The following FAM227A variants were observed in gnomAD, a reference collection of about 807,000 sequenced individuals.
The protein encoded by FAM227A is family with sequence similarity 227 member A.
In FAM227A, 80 loss-of-function variants were observed where a neutral mutation model predicts 74.7. The observed-to-expected ratio is 1.07, with a 90% CI of 0.89 to 1.29. FAM227A has a LOEUF of 1.29. Ranked by LOEUF, FAM227A falls within the 50% of genes most tolerant of loss-of-function variation. The pLI, the probability that FAM227A is intolerant of heterozygous loss-of-function variation, is 0.00. For missense variants in FAM227A, 654 were observed against 683.4 expected (o/e 0.96, Z 0.48); for synonymous variants, 237 against 241.8 (o/e 0.98, Z 0.19).
At chr22:38,615,682 A>C (rs1428668210) in intron 11 of FAM227A, among the ~76,000 whole-genome samples, 1 of 152,184 alleles carries the variant, frequency 6.6e-6, no homozygotes, top group Non-Finnish European at 1.5e-5. Flanking sequence ...ACGGCACTGC[A>C]AGTCAGGTGA....
rs186733976 is a variant in FAM227A, at chr22:38,581,430, G to A, written c.*4695C>T. 1 of 152,278 alleles carries A rather than the reference G, an allele frequency of 6.6e-6. No individual in the cohort carries two copies. Among genetic ancestry groups the A allele is most frequent in the Admixed American group, 6.5e-5 (1 of 15,294 alleles). The allele number at this position is 152,278 out of a possible 1,614,324, so 9.4% of individuals were successfully genotyped here. A position where few individuals can be genotyped will look rare whatever the true frequency, so the allele number is the denominator to read the frequency against. The stretch of plus-strand genomic sequence containing the variant: ...TTTCTAGGTCATTTCAGTGGACAGA[G>A]TTTTAGGAAATATATACACATATTT... On this transcript the variant is annotated 3_prime_UTR_variant, in exon 17 of 17. Coordinates refer to ENST00000535113, the MANE Select transcript of FAM227A (RefSeq NM_001013647.2).
At chr22:38,588,927 CAAAA>C (rs781041691) in intron 16 of FAM227A, among the ~76,000 whole-genome samples, 1 of 61,452 alleles carries the variant, frequency 1.6e-5, no homozygotes. Context: ...GACTCCATCT[CAAAA>C]AAAAAAAAAA....
In FAM227A at chr22:38,620,228, T is replaced by C. The variant is rs1037013156; in HGVS notation, c.1022A>G (p.Lys341Arg). 6.4e-7 allele frequency: 1 copy of C among 1,551,290 alleles called. No individual in the cohort carries two copies. Among genetic ancestry groups the C allele is most frequent in the African/African-American group, 1.4e-5 (1 of 73,166 alleles). The change falls in exon 11 of 17, where the codon AAA (lysine) becomes AGA (arginine). Residue 341 changes from lysine (K) to arginine (R), a missense_variant. Coordinates refer to ENST00000535113, the MANE Select transcript of FAM227A (RefSeq NM_001013647.2). ...AFSQKPAQSR[K>R]FYHPQSSSAN... ...CCCACTTACCTGAGGGTGGTAGAAT[T>C]TCCTGCTCTGGGCTGGCTTCTGGGA...
At chr22:38,636,697 C>T (rs2145652236) in intron 5 of FAM227A, 100 bp from the exon 6 acceptor site, 1 of 1,094,666 alleles carries the variant, frequency 9.1e-7, no homozygotes, top group Non-Finnish European at 1.3e-6. Flanking sequence ...ATATAACAAC[C>T]TTATAGAATG....
intron 11 of FAM227A, among the ~76,000 whole-genome samples, chr22:38,613,069 A>G (rs2091451822): frequency 9.7e-6 from 1 of 102,632 alleles, no homozygotes; most frequent in Non-Finnish European, 1.8e-5. Flanking sequence ...ATATGTAAAT[A>G]TATTATATAT....
At chr22:38,643,280 C>T (rs2092154952) in intron 3 of FAM227A, among the ~76,000 whole-genome samples, 1 of 151,274 alleles carries the variant, frequency 6.6e-6, no homozygotes. Context: ...CACGCCACTG[C>T]ACTCCTGCCC....
rs1270798677 is a variant in FAM227A, at chr22:38,582,559, ACAAAGGG to A, written c.*3559_*3565del. On this transcript the variant is annotated 3_prime_UTR_variant, in exon 17 of 17. Coordinates refer to ENST00000535113, the MANE Select transcript of FAM227A (RefSeq NM_001013647.2). ...CCCATAATTTTCCCTTCTAATGTTT[ACAAAGGG>A]CAGAGACAGGTTTCTTCATATTTAA... 9 of 896,884 alleles carry A rather than the reference ACAAAGGG, an allele frequency of 1.0e-5. No individual in the cohort carries two copies. Among genetic ancestry groups the A allele is most frequent in the Non-Finnish European group, 1.5e-5 (9 of 599,338 alleles). 55.6% of individuals were successfully genotyped at this position (896,884 alleles called of 1,614,324 possible). A position where few individuals can be genotyped will look rare whatever the true frequency, so the allele number is the denominator to read the frequency against.
At chr22:38,613,309 T>C (rs1333630402) in intron 11 of FAM227A, among the ~76,000 whole-genome samples, 2 of 77,688 alleles carry the variant, frequency 2.6e-5, no homozygotes, top group East Asian at 3.2e-4. Flanking sequence ...ATATAATATA[T>C]AACATATAAT....
chr22:38,626,974 G>C (rs1255572090), intron 8 of FAM227A, among the ~76,000 whole-genome samples: 1 of 143,578 alleles, frequency 7.0e-6, no homozygotes, highest in Non-Finnish European at 1.5e-5. Context: ...GTGCATGCCT[G>C]TAGTCCTAGC....
Position 38,582,820 on chromosome 22 carries a change from G to A in FAM227A, c.*3305C>T. ...ACTGCTGCCATAATGGGATGGCACA[G>A]AATGCTGTTGGAGCATAATGCAGTG... On this transcript the variant is annotated 3_prime_UTR_variant, in exon 17 of 17. Transcript: ENST00000535113. 1.9e-6 allele frequency: 3 copies of A among 1,549,500 alleles called. No individual in the cohort carries two copies. The highest frequency in any genetic ancestry group is 2.6e-6 in the Non-Finnish European group (3 of 1,146,804).
intron 9 of FAM227A, among the ~76,000 whole-genome samples, chr22:38,623,870 C>T (rs1697156524): frequency 6.6e-6 from 1 of 152,170 alleles, no homozygotes; most frequent in Non-Finnish European, 1.5e-5. Context: ...AATGGTTTCT[C>T]TTTACGTGTT....
Position 38,584,300 on chromosome 22 carries a change from C to T in FAM227A, c.*1825G>A, listed in dbSNP as rs1014114884. 1.3e-5 allele frequency: 2 copies of T among 152,220 alleles called. No individual in the cohort carries two copies. The highest frequency in any genetic ancestry group is 4.1e-4 in the South Asian group (2 of 4,822). 9.4% of individuals were successfully genotyped at this position (152,220 alleles called of 1,614,324 possible). On this transcript the variant is annotated 3_prime_UTR_variant, in exon 17 of 17. Coordinates refer to ENST00000535113, the MANE Select transcript of FAM227A (RefSeq NM_001013647.2). ...ATCTAGCAAATACCTAATCATCCCC[C>T]CCAAGTCCGTTTCTTCCTAGGAGAA...
chr22:38,651,597 G>C (rs768839167), intron 1 of FAM227A, among the ~76,000 whole-genome samples: 2 of 151,912 alleles, frequency 1.3e-5, no homozygotes, highest in African/African-American at 4.8e-5. Context: ...CCTGACCTCA[G>C]GTGATCCACC....
rs1555959758 is a variant in FAM227A, at chr22:38,613,116, T to TATAATTATATATA, written c.1039-5641_1039-5640insTATATATAATTAT. On this transcript the variant is annotated intron_variant, in intron 11 of 16. Transcript: ENST00000535113. ...TATATTATATATAATTATATATATA[T>TATAATTATATATA]TATATATAATTATATATATAATATA... 3.7e-3 allele frequency among the ~76,000 whole-genome samples: 338 copies of TATAATTATATATA among 91,090 alleles called. 5 individuals carry two copies. The highest frequency in any genetic ancestry group is 0.016 in the African/African-American group (327 of 20,990). The allele number at this position is 91,090 out of a possible 152,430, so 59.8% of individuals were successfully genotyped here.
Position 38,580,932 on chromosome 22 carries a change from C to T in FAM227A, c.*5193G>A, listed in dbSNP as rs2090701485. ...TAGCTAGGATTCCAGGCATGCACCACCACGCCTGGCTGATTTTTGTATTTT... is the reference window on the plus strand; with the variant it reads ...TAGCTAGGATTCCAGGCATGCACCATCACGCCTGGCTGATTTTTGTATTTT... On this transcript the variant is annotated 3_prime_UTR_variant, in exon 17 of 17. Coordinates refer to ENST00000535113, the MANE Select transcript of FAM227A (RefSeq NM_001013647.2). 1 of 152,232 alleles carries T rather than the reference C, an allele frequency of 6.6e-6. No individual in the cohort carries two copies. Among genetic ancestry groups the T allele is most frequent in the African/African-American group, 2.4e-5 (1 of 41,444 alleles). The allele number at this position is 152,232 out of a possible 1,614,324, so 9.4% of individuals were successfully genotyped here. A position where few individuals can be genotyped will look rare whatever the true frequency, so the allele number is the denominator to read the frequency against.
At chr22:38,614,003 C>T (rs1602954402) in intron 11 of FAM227A, among the ~76,000 whole-genome samples, 2 of 152,278 alleles carry the variant, frequency 1.3e-5, no homozygotes, top group African/African-American at 4.8e-5. Flanking sequence ...GTAGCTGGGA[C>T]CACAGGTGCA....
chr22:38,599,942 A>G (rs2091136339), intron 13 of FAM227A, 21 bp from the exon 14 acceptor site: 1 of 1,525,734 alleles, frequency 6.6e-7, no homozygotes, highest in African/African-American at 1.4e-5. Context: ...AAGAAAAAGG[A>G]AAAATAAAGG....
At chr22:38,655,641 C>T (rs757967240) in intron 1 of FAM227A, among the ~76,000 whole-genome samples, 17 of 152,190 alleles carry the variant, frequency 1.1e-4, no homozygotes, top group Admixed American at 2.6e-4. Flanking sequence ...TTTCACTTGG[C>T]TTTCTTTTTT....
At chr22:38,613,203 T>A (rs1347758893) in intron 11 of FAM227A, among the ~76,000 whole-genome samples, 10 of 73,542 alleles carry the variant, frequency 1.4e-4, no homozygotes, top group Non-Finnish European at 2.1e-4. Context: ...TATATTATAT[T>A]ATATATATCT....
Sources: gnomAD v4.1 joint callset for allele counts (sites outside exome capture counted in the v4.1 genomes callset) on GRCh38, gnomAD v4.1.1 for gene constraint, MANE v1.5 for transcripts, NCBI Gene and HGNC (gene_info 2026-07-23, HGNC 2026-07-21) for gene names.